The following SLCO2A1 variants were observed in gnomAD, a reference collection of about 807,000 sequenced individuals.
The protein encoded by SLCO2A1 is matrin F/G 1.
In SLCO2A1, 60 loss-of-function variants were observed where a neutral mutation model predicts 71.7. The observed-to-expected ratio is 0.84, with a 90% CI of 0.68 to 1.04. SLCO2A1 has a LOEUF of 1.04. Ranked by LOEUF, SLCO2A1 falls within the 50% of genes least tolerant of loss-of-function variation. The pLI is 0.00. For synonymous variants in SLCO2A1, 308 were observed against 326.7 expected, an observed-to-expected ratio of 0.94 and a Z score of 0.62; for missense variants, 745 against 813.4, an observed-to-expected ratio of 0.92 and a Z score of 1.02.
intron 1 of SLCO2A1, among the ~76,000 whole-genome samples, chr3:133,982,813 C>T (rs78867591): frequency 6.6e-6 from 1 of 152,078 alleles, no homozygotes; most frequent in Admixed American, 6.5e-5. Flanking sequence ...CCAGGGGGAG[C>T]TTTCTCAAGC....
In SLCO2A1 at chr3:133,945,210, G is replaced by A. The variant is rs776898101; in HGVS notation, c.1346C>T (p.Ser449Leu). The A allele has an allele frequency of 7.4e-6, 12 of 1,613,926 alleles. No individual in the cohort carries two copies. The highest frequency in any genetic ancestry group is 2.7e-5 in the African/African-American group (2 of 74,908). The change falls in exon 10 of 14, where the codon TCG becomes TTG. Residue 449 changes from serine to leucine, a missense_variant. Physicochemically the swap from Ser to Leu is moderately radical, Grantham distance 145. Transcript: ENST00000310926. ...CGGGTGGAAGATAGAATCTGGGCAC[G>A]AGCAGTCCCTGCGGCAGGCAGGAGA... Reference protein sequence around the residue: ...PQSPACRRDCSCPDSIFHPVC... With the variant: ...PQSPACRRDCLCPDSIFHPVC...
chr3:133,973,735 C>T lies in SLCO2A1; in HGVS notation c.325G>A (p.Ala109Thr), dbSNP rs1278629761. The change falls in exon 3 of 14, where the codon GCT becomes ACT. Residue 109 changes from alanine (A) to threonine (T), a missense_variant. By Grantham distance (58) the Ala-to-Thr change is moderately conservative. Transcript: ENST00000310926. ...AGGGTGAGGATGAAGGCACCTGCAG[C>T]CAGGAAGAGACCTCCGATGCCAATC... ...RLIGIGGLFL[A>T]AGAFILTLPH... The T allele has an allele frequency of 6.2e-7, 1 of 1,614,088 alleles. No individual in the cohort carries two copies. Among genetic ancestry groups the T allele is most frequent in the South Asian group, 1.1e-5 (1 of 91,038 alleles).
intron 1 of SLCO2A1, among the ~76,000 whole-genome samples, chr3:134,024,594 G>A (rs1255718248): frequency 6.6e-6 from 1 of 152,246 alleles, no homozygotes; most frequent in Non-Finnish European, 1.5e-5. Context: ...GCCAAGGCCA[G>A]TGGCCTGTCT....
chr3:133,988,299 T>C (rs1934760744), intron 1 of SLCO2A1, among the ~76,000 whole-genome samples: 2 of 152,196 alleles, frequency 1.3e-5, no homozygotes, highest in African/African-American at 2.4e-5. Flanking sequence ...GTCTCCATAA[T>C]CCTTTATTTT....
chr3:133,990,881 G>A (rs531079729), intron 1 of SLCO2A1, among the ~76,000 whole-genome samples: 16 of 152,184 alleles, frequency 1.1e-4, no homozygotes, highest in African/African-American at 2.6e-4. Flanking sequence ...AGGCTGAAGC[G>A]GGCAGATCAC....
At position 133,988,278 on chromosome 3, in the gene SLCO2A1, T is replaced by A. The variant is rs567737566; in HGVS notation, c.97-8660A>T. 3.3e-5 allele frequency among the ~76,000 whole-genome samples: 5 copies of A among 152,302 alleles called. No individual in the cohort carries two copies. In the South Asian group the frequency reaches 1.0e-3, roughly 32 times the overall value. On this transcript the variant is annotated intron_variant, in intron 1 of 13. Coordinates refer to ENST00000310926, the MANE Select transcript of SLCO2A1 (RefSeq NM_005630.3). ...ACTACTTGAAGGCTTCCTCTGCAAA[T>A]AAGAACTTGGGTCTCCATAATCCTT...
intron 1 of SLCO2A1, among the ~76,000 whole-genome samples, chr3:134,022,165 G>T (rs1463182685): frequency 1.3e-5 from 2 of 151,898 alleles, no homozygotes; most frequent in East Asian, 3.9e-4. Context: ...GTTGTTTAAA[G>T]AAAGAAATAT....
At chr3:133,944,944 G>T in intron 10 of SLCO2A1, 151 bp downstream of exon 10, 2 of 881,260 alleles carry the variant, frequency 2.3e-6, no homozygotes, top group Non-Finnish European at 1.7e-6. Flanking sequence ...GAGAGAGGTT[G>T]GATGTGGCTC....
chr3:133,948,601 G>C lies in SLCO2A1; in HGVS notation c.1040C>G (p.Thr347Ser). 1 of 1,614,194 alleles carries C rather than the reference G, an allele frequency of 6.2e-7. No homozygotes were observed. ...TFSSVIAGLS[T>S]FLNKFLEKQY... ...CTTCTCCAGGAACTTGTTGAGGAAG[G>C]TGGAGAGGCCAGCAATGACGGAGGA... is the stretch of plus-strand genomic sequence containing the variant. Residue 347 changes from threonine to serine, a missense_variant, in exon 8 of 14, where the codon ACC (threonine) becomes AGC (serine). Coordinates refer to ENST00000310926, the MANE Select transcript of SLCO2A1 (RefSeq NM_005630.3).
In SLCO2A1 at chr3:133,935,780, C is replaced by G. The variant is rs187907881; in HGVS notation, c.1808G>C (p.Arg603Pro). The change falls in exon 13 of 14, where the codon CGA (arginine) becomes CCA (proline). Residue 603 changes from arginine to proline, a missense_variant. By Grantham distance (103) the Arg-to-Pro change is moderately radical. Transcript: ENST00000310926. ...ACAYYDNDALRDRYLGLQMGY... is the reference protein window; with the variant it reads ...ACAYYDNDALPDRYLGLQMGY... ...ATACATGATGGGCCCTCACCTGTCT[C>G]GGAGAGCATCGTTGTCATAGTAGGC... The G allele has an allele frequency of 3.1e-6, 5 of 1,603,800 alleles. No individual in the cohort carries two copies. In the East Asian group the frequency reaches 1.1e-4, roughly 36 times the overall value.
chr3:133,948,832 C>T, intron 7 of SLCO2A1, 61 bp downstream of exon 7: 2 of 1,595,554 alleles, frequency 1.3e-6, no homozygotes, highest in Non-Finnish European at 1.7e-6. Flanking sequence ...CTGGGGTCCC[C>T]CTGGCCACTA....
At chr3:133,944,763 C>T (rs1429898885) in intron 10 of SLCO2A1, among the ~76,000 whole-genome samples, 1 of 152,236 alleles carries the variant, frequency 6.6e-6, no homozygotes, top group Non-Finnish European at 1.5e-5. Flanking sequence ...CCCAGAGATG[C>T]CCATGAGGAT....
chr3:134,004,277 T>C (rs896643248), intron 1 of SLCO2A1, among the ~76,000 whole-genome samples: 1 of 152,236 alleles, frequency 6.6e-6, no homozygotes, highest in African/African-American at 2.4e-5. Flanking sequence ...TTAAGGATTT[T>C]ATTGGGAAAT....
At chr3:134,023,233 C>A (rs1161059495) in intron 1 of SLCO2A1, among the ~76,000 whole-genome samples, 1 of 152,196 alleles carries the variant, frequency 6.6e-6, no homozygotes, top group Non-Finnish European at 1.5e-5. Context: ...AGGGGAAAAC[C>A]CTATCAAACT....
intron 1 of SLCO2A1, among the ~76,000 whole-genome samples, chr3:134,025,591 C>G (rs1935686718): frequency 6.6e-6 from 1 of 152,118 alleles, no homozygotes; most frequent in African/African-American, 2.4e-5. Flanking sequence ...ATAAGTACAT[C>G]TGTCATAAAT....
At chr3:133,965,748 C>G (rs1258405386) in intron 3 of SLCO2A1, among the ~76,000 whole-genome samples, 1 of 131,464 alleles carries the variant, frequency 7.6e-6, no homozygotes, top group Non-Finnish European at 1.7e-5. Flanking sequence ...TCAGGGAGAC[C>G]ACCCTGACAG....
chr3:134,028,208 T>C (rs925796030), intron 1 of SLCO2A1, among the ~76,000 whole-genome samples: 1 of 152,178 alleles, frequency 6.6e-6, no homozygotes, highest in African/African-American at 2.4e-5. Context: ...CTGCCCTTCT[T>C]GGTGAAAATG....
Position 133,972,790 on chromosome 3 carries a change from G to A in SLCO2A1, c.397+873C>T, listed in dbSNP as rs982454220. ...GCTAAACTATAATTCAAGAGCAAGG[G>A]TAAAATAGAGGCATTTTCGGACAAA... is the stretch of plus-strand genomic sequence containing the variant. On this transcript the variant is annotated intron_variant, in intron 3 of 13. Transcript: ENST00000310926. 6.6e-5 allele frequency among the ~76,000 whole-genome samples: 10 copies of A among 152,152 alleles called. 1 individual carries two copies. The highest frequency in any genetic ancestry group is 5.8e-4 in the East Asian group (3 of 5,162).
intron 2 of SLCO2A1, 119 bp downstream of exon 2, chr3:133,979,362 G>T: frequency 7.9e-7 from 1 of 1,267,100 alleles, no homozygotes; most frequent in Non-Finnish European, 1.1e-6. Flanking sequence ...CTGTTACCCG[G>T]CAGAAAGAGG....
Sources: gnomAD v4.1 joint callset for allele counts (sites outside exome capture counted in the v4.1 genomes callset) on GRCh38, gnomAD v4.1.1 for gene constraint, MANE v1.5 for transcripts, NCBI Gene and HGNC (gene_info 2026-07-23, HGNC 2026-07-21) for gene names.